ASB5: variants seen among roughly 807,000 people sequenced by gnomAD.
ASB5 encodes ankyrin repeat and SOCS box containing 5.
In ASB5, 45 loss-of-function variants were observed where a neutral mutation model predicts 42.1. The ratio of observed to expected loss-of-function variants is 1.07; its 90% CI spans 0.84 to 1.37. The LOEUF (loss-of-function observed/expected upper bound fraction) is 1.37. Among genes scored for constraint, ASB5 ranks in the 40% most tolerant of loss-of-function variants. The pLI is 0.00. For missense variants in ASB5, 402 were observed against 399.8 expected, an observed-to-expected ratio of 1.01 and a Z score of -0.05; for synonymous variants, 147 against 150.6, an observed-to-expected ratio of 0.98 and a Z score of 0.18.
chr4:176,241,498 T>C, intron 1 of ASB5: 1 of 1,535,580 alleles, frequency 6.5e-7, no homozygotes, highest in Non-Finnish European at 8.7e-7. Flanking sequence ...CAAAGAGGCA[T>C]CTGGAAGGGG....
In ASB5 at chr4:176,215,655, A is replaced by C. The variant is rs1752945783; in HGVS notation, c.935T>G (p.Leu312Arg). The change falls in exon 7 of 7, where the codon CTT becomes CGT. Residue 312 changes from leucine to arginine, a missense_variant. Transcript: ENST00000296525. ...RSYIGKPRLHLIPQLQLPTLL... is the reference protein window; with the variant it reads ...RSYIGKPRLHRIPQLQLPTLL... ...CGTTGGCAGCTGGAGTTGTGGGATA[A>C]GGTGCAATCTTGGTTTTCCTATGTA... The C allele has an allele frequency of 8.1e-6, 13 of 1,613,404 alleles. No individual in the cohort carries two copies. The highest frequency in any genetic ancestry group is 1.1e-5 in the Non-Finnish European group (13 of 1,179,574).
intron 1 of ASB5, among the ~76,000 whole-genome samples, chr4:176,253,728 T>C (rs1754090872): frequency 6.6e-6 from 1 of 152,194 alleles, no homozygotes; most frequent in Admixed American, 6.5e-5. Context: ...TCAGCAGCAT[T>C]TCTATACACC....
At position 176,215,398 on chromosome 4, in the gene ASB5, A is replaced by G; in HGVS notation, c.*202T>C. The G allele has an allele frequency of 2.5e-6, 1 of 394,138 alleles. No individual in the cohort carries two copies. Among genetic ancestry groups the G allele is most frequent in the Non-Finnish European group, 4.4e-6 (1 of 229,478 alleles). 24.4% of individuals were successfully genotyped at this position (394,138 alleles called of 1,614,324 possible). A position where few individuals can be genotyped will look rare whatever the true frequency, so the allele number is the denominator to read the frequency against. On this transcript the variant is annotated 3_prime_UTR_variant, in exon 7 of 7. Transcript: ENST00000296525. ...GAAATAACAAAAAATAGATATTATA[A>G]ATATGCTATAATCCAAAGACAGCAT...
intron 1 of ASB5, among the ~76,000 whole-genome samples, chr4:176,242,684 G>A (rs1019764811): frequency 2.0e-5 from 3 of 152,046 alleles, no homozygotes; most frequent in African/African-American, 7.2e-5. Context: ...CCAGCTTTTG[G>A]CTTTGTTGAT....
chr4:176,213,844 G>T lies in ASB5; in HGVS notation c.*1756C>A, dbSNP rs556959000. On this transcript the variant is annotated 3_prime_UTR_variant, in exon 7 of 7. Coordinates refer to ENST00000296525, the MANE Select transcript of ASB5 (RefSeq NM_080874.4). ...TGTTTGATATTTACTTCTCTTATTGGCACAAGACTAATAAGATAGATGGGT... is the reference window on the plus strand; with the variant it reads ...TGTTTGATATTTACTTCTCTTATTGTCACAAGACTAATAAGATAGATGGGT... 2 of 152,052 alleles carry T rather than the reference G, an allele frequency of 1.3e-5. No homozygotes were observed. Among genetic ancestry groups the T allele is most frequent in the African/African-American group, 4.8e-5 (2 of 41,520 alleles). 9.4% of individuals were successfully genotyped at this position (152,052 alleles called of 1,614,324 possible). A position where few individuals can be genotyped will look rare whatever the true frequency, so the allele number is the denominator to read the frequency against.
intron 5 of ASB5, among the ~76,000 whole-genome samples, chr4:176,219,890 T>C (rs1216685835): frequency 1.3e-5 from 2 of 151,750 alleles, no homozygotes; most frequent in Non-Finnish European, 2.9e-5. Flanking sequence ...GTGGAAAGAA[T>C]AATATTTCTA....
At chr4:176,248,532 T>G (rs1398515694) in intron 1 of ASB5, among the ~76,000 whole-genome samples, 2 of 152,102 alleles carry the variant, frequency 1.3e-5, no homozygotes, top group African/African-American at 2.4e-5. Flanking sequence ...TCTTAGAAAC[T>G]GGAGATACAC....
At chr4:176,249,792 G>T (rs539098416) in intron 1 of ASB5, among the ~76,000 whole-genome samples, 6 of 152,112 alleles carry the variant, frequency 3.9e-5, no homozygotes, top group African/African-American at 1.2e-4. Flanking sequence ...TTGGCCGGGC[G>T]CGGTGGCTCA....
rs570484406 is a variant in ASB5, at chr4:176,233,150, T to C, written c.197-7809A>G. On this transcript the variant is annotated intron_variant, in intron 1 of 6. Transcript: ENST00000296525. ...ATCACAAATACAACCCAAATTTCAT[T>C]TTAAACAATTACTTTCATATATCTT... Among the ~76,000 whole-genome samples, 44 of 152,222 alleles carry C rather than the reference T, an allele frequency of 2.9e-4. 1 individual carries two copies. The South Asian group carries it at 8.5e-3, about 29-fold the overall frequency.
chr4:176,265,965 G>C (rs1754348789), intron 1 of ASB5, among the ~76,000 whole-genome samples: 1 of 152,098 alleles, frequency 6.6e-6, no homozygotes, highest in Non-Finnish European at 1.5e-5. Context: ...TGAAAAGATA[G>C]ATTTGTAAAG....
exon 1 of ASB5, chr4:176,277,445 A>C (rs1353746396): frequency 6.6e-6 from 1 of 152,078 alleles, no homozygotes; most frequent in East Asian, 1.9e-4. Context: ...TAAAATACCC[A>C]GTTTTTCAAG....
chr4:176,255,055 G>A (rs148202513), intron 1 of ASB5, among the ~76,000 whole-genome samples: 36 of 152,268 alleles, frequency 2.4e-4, no homozygotes, highest in African/African-American at 6.3e-4. Context: ...ACTTGAACCC[G>A]GAAGGTGGAG....
At position 176,215,678 on chromosome 4, in the gene ASB5, G is replaced by C. The variant is rs765705570; in HGVS notation, c.912C>G (p.Tyr304Ter). 1 of 1,613,220 alleles carries C rather than the reference G, an allele frequency of 6.2e-7. No individual in the cohort carries two copies. The highest frequency in any genetic ancestry group is 1.7e-5 in the Admixed American group (1 of 59,946). Residue 304 changes from tyrosine (Y) to a stop codon, truncating the protein, a stop_gained, in exon 7 of 7, where the codon TAC (tyrosine) becomes TAG (stop). Coordinates refer to ENST00000296525, the MANE Select transcript of ASB5 (RefSeq NM_080874.4). LOFTEE classifies it high-confidence loss of function. ...TAAGGTGCAATCTTGGTTTTCCTAT[G>C]TAGCTTCGGATACAGAGTCGGCAAA... ...YQLCRLCIRS[Y>*]IGKPRLHLIP...
At chr4:176,226,120 A>G (rs1416699124) in intron 1 of ASB5, among the ~76,000 whole-genome samples, 3 of 152,188 alleles carry the variant, frequency 2.0e-5, no homozygotes, top group Admixed American at 6.5e-5. Context: ...ATTGCTTATG[A>G]GTGTGTCTGT....
chr4:176,216,263 G>T (rs576025389), intron 6 of ASB5, among the ~76,000 whole-genome samples: 54 of 152,164 alleles, frequency 3.5e-4, no homozygotes, highest in Non-Finnish European at 6.2e-4. Context: ...TACCAGAAGT[G>T]CATATAATGC....
intron 1 of ASB5, among the ~76,000 whole-genome samples, chr4:176,242,174 T>G (rs1300612937): frequency 6.6e-6 from 1 of 152,046 alleles, no homozygotes; most frequent in African/African-American, 2.4e-5. Context: ...TCTTCCAATC[T>G]CACTTGGAAC....
chr4:176,246,455 G>A lies in ASB5; in HGVS notation c.197-21114C>T, dbSNP rs888930339. 3.9e-5 allele frequency among the ~76,000 whole-genome samples: 6 copies of A among 152,210 alleles called. 1 individual carries two copies. The highest frequency in any genetic ancestry group is 1.4e-4 in the African/African-American group (6 of 41,448). On this transcript the variant is annotated intron_variant, in intron 1 of 6. Coordinates refer to ENST00000296525, the MANE Select transcript of ASB5 (RefSeq NM_080874.4). ...TAATTTCACTTAAACCAGTATCACA[G>A]CACTAGCCATGACCACAGAGTATGA... is the stretch of plus-strand genomic sequence containing the variant.
At chr4:176,252,235 T>G (rs762777499) in intron 1 of ASB5, among the ~76,000 whole-genome samples, 40 of 152,166 alleles carry the variant, frequency 2.6e-4, no homozygotes, top group Non-Finnish European at 5.0e-4. Flanking sequence ...AAGGCATTAC[T>G]TATAGATTCA....
chr4:176,267,967 CT>C (rs1272553701), intron 1 of ASB5, among the ~76,000 whole-genome samples: 1 of 152,110 alleles, frequency 6.6e-6, no homozygotes, highest in African/African-American at 2.4e-5. Flanking sequence ...CTCTAAGAGA[CT>C]TTTCTTTCAA....
Sources: gnomAD v4.1 joint callset for allele counts (sites outside exome capture counted in the v4.1 genomes callset) on GRCh38, gnomAD v4.1.1 for gene constraint, MANE v1.5 for transcripts, NCBI Gene and HGNC (gene_info 2026-07-23, HGNC 2026-07-21) for gene names.